The following CSMD1 variants were observed in gnomAD, a reference collection of about 807,000 sequenced individuals.
The protein encoded by CSMD1 is CUB and Sushi multiple domains 1, also known as CUB and sushi domain-containing protein 1.
In CSMD1, 213 loss-of-function variants were observed where a neutral mutation model predicts 417.5. That is an observed-to-expected ratio of 0.51 (90% CI 0.46 to 0.57). The LOEUF is 0.57. CSMD1 is among the 20% of genes least tolerant of loss of function. The pLI is 0.00. For missense variants in CSMD1, 6,923 were observed against 4,529.7 expected, an observed-to-expected ratio of 1.53 and a Z score of -15.17; for synonymous variants, 2,862 against 1,736.8, an observed-to-expected ratio of 1.65 and a Z score of -16.11.
intron 1 of CSMD1, among the ~76,000 whole-genome samples, chr8:4,847,667 A>T (rs959776517): frequency 6.6e-6 from 1 of 151,840 alleles, no homozygotes; most frequent in African/African-American, 2.4e-5. Context: ...GTTTCTCCTT[A>T]AGCTCTTCAA....
intron 6 of CSMD1, among the ~76,000 whole-genome samples, chr8:3,733,350 T>TA (rs1796365497): frequency 6.8e-6 from 1 of 147,466 alleles, no homozygotes; most frequent in African/African-American, 2.5e-5. Flanking sequence ...ACATATATAT[T>TA]ATATATATAA....
intron 1 of CSMD1, among the ~76,000 whole-genome samples, chr8:4,834,347 C>T (rs551539732): frequency 1.3e-5 from 2 of 152,044 alleles, no homozygotes; most frequent in South Asian, 2.1e-4. Context: ...ATGGCAAGAA[C>T]GCATCATCTG....
At chr8:3,376,632 T>A (rs1414478253) in intron 18 of CSMD1, among the ~76,000 whole-genome samples, 1 of 152,110 alleles carries the variant, frequency 6.6e-6, no homozygotes, top group Admixed American at 6.6e-5. Flanking sequence ...TTTCTTTGCG[T>A]TTGTCTTTCA....
intron 3 of CSMD1, among the ~76,000 whole-genome samples, chr8:4,086,512 G>C (rs904082437): frequency 9.2e-5 from 14 of 152,138 alleles, no homozygotes; most frequent in Admixed American, 6.5e-5. Context: ...CATTACAAAA[G>C]TGACTGGTCA....
rs181837560 is a variant in CSMD1, at chr8:4,864,203, C to A, written c.85+130129G>T. On this transcript the variant is annotated intron_variant, in intron 1 of 69. Transcript: ENST00000635120. ...AATAATGAAGTACAACCAAAACAGA[C>A]TGAATTTCAAGTTGCTAGTAAAGTG... 7.1e-4 allele frequency among the ~76,000 whole-genome samples: 108 copies of A among 152,002 alleles called. 1 individual carries two copies. Among genetic ancestry groups the A allele is most frequent in the African/African-American group, 2.5e-3 (103 of 41,458 alleles).
chr8:4,112,455 C>G (rs548099288), intron 3 of CSMD1, among the ~76,000 whole-genome samples: 2 of 152,202 alleles, frequency 1.3e-5, no homozygotes, highest in Non-Finnish European at 2.9e-5. Context: ...CCTCCCCATT[C>G]TCCCCTGGTT....
At chr8:3,074,282 C>T (rs1028413158) in intron 49 of CSMD1, among the ~76,000 whole-genome samples, 6 of 152,158 alleles carry the variant, frequency 3.9e-5, no homozygotes, top group Non-Finnish European at 7.3e-5. Flanking sequence ...AGAACTCTGC[C>T]CCTAGAAGAG....
chr8:4,667,335 A>G (rs1805003944), intron 1 of CSMD1, among the ~76,000 whole-genome samples: 1 of 152,088 alleles, frequency 6.6e-6, no homozygotes, highest in Non-Finnish European at 1.5e-5. Flanking sequence ...TGGCCATTCT[A>G]GATTCTCTGC....
chr8:3,223,193 C>T (rs1563157993), intron 28 of CSMD1, among the ~76,000 whole-genome samples: 4 of 152,160 alleles, frequency 2.6e-5, no homozygotes, highest in Admixed American at 6.5e-5. Flanking sequence ...GACCTTCCAT[C>T]GTCTAGTTTA....
chr8:3,993,276 C>T (rs1814900833), intron 5 of CSMD1, among the ~76,000 whole-genome samples: 1 of 152,162 alleles, frequency 6.6e-6, no homozygotes, highest in Non-Finnish European at 1.5e-5. Flanking sequence ...GAACATGATG[C>T]CTCCTTCCTT....
chr8:4,940,576 T>A (rs1024419028), intron 1 of CSMD1, among the ~76,000 whole-genome samples: 1 of 152,186 alleles, frequency 6.6e-6, no homozygotes, highest in Non-Finnish European at 1.5e-5. Context: ...CTCGTGAAGT[T>A]TAGAGAGGCA....
intron 3 of CSMD1, among the ~76,000 whole-genome samples, chr8:4,055,388 G>A (rs980392601): frequency 6.6e-6 from 1 of 151,778 alleles, no homozygotes; most frequent in Non-Finnish European, 1.5e-5. Flanking sequence ...CTTACTAAGT[G>A]ATTAATCCAA....
chr8:4,993,744 CT>C (rs985527740), intron 1 of CSMD1, among the ~76,000 whole-genome samples: 1 of 152,190 alleles, frequency 6.6e-6, no homozygotes, highest in Non-Finnish European at 1.5e-5. Context: ...CGGGGGCGAC[CT>C]TCTAGAGGCA....
chr8:4,190,082 C>A (rs1283935821), intron 3 of CSMD1, among the ~76,000 whole-genome samples: 1 of 151,664 alleles, frequency 6.6e-6, no homozygotes, highest in Non-Finnish European at 1.5e-5. Flanking sequence ...CATGGTGAAA[C>A]CCCATCTCTA....
intron 1 of CSMD1, among the ~76,000 whole-genome samples, chr8:4,673,350 C>A (rs1258980401): frequency 6.6e-6 from 1 of 152,114 alleles, no homozygotes; most frequent in Non-Finnish European, 1.5e-5. Flanking sequence ...TACAGATCAT[C>A]CTTTGAAAGG....
chr8:3,978,318 C>T (rs541752544), intron 5 of CSMD1, among the ~76,000 whole-genome samples: 2 of 152,308 alleles, frequency 1.3e-5, no homozygotes, highest in South Asian at 4.1e-4. Context: ...CAACTGTTCC[C>T]ACATGGCTCT....
intron 1 of CSMD1, among the ~76,000 whole-genome samples, chr8:4,936,938 T>G (rs1340318920): frequency 1.3e-5 from 2 of 152,232 alleles, no homozygotes; most frequent in East Asian, 3.8e-4. Flanking sequence ...TTGTCGGCTC[T>G]GGTGGCTCAT....
intron 1 of CSMD1, among the ~76,000 whole-genome samples, chr8:4,799,723 T>A (rs928630629): frequency 6.7e-6 from 1 of 150,126 alleles, no homozygotes; most frequent in East Asian, 2.0e-4. Flanking sequence ...AAAAACAAAA[T>A]TGGCATTACA....
chr8:4,104,416 A>ACATGCG (rs1554450169), intron 3 of CSMD1, among the ~76,000 whole-genome samples: 1 of 149,182 alleles, frequency 6.7e-6, no homozygotes, highest in African/African-American at 2.5e-5. Flanking sequence ...ATGCACACGC[A>ACATGCG]CACACACATG....
Sources: allele counts gnomAD v4.1 joint callset (sites outside exome capture counted in the v4.1 genomes callset), GRCh38; gene constraint gnomAD v4.1.1; transcripts MANE v1.5; gene names NCBI Gene and HGNC (gene_info 2026-07-23, HGNC 2026-07-21).